DSCAML1: variants seen among roughly 807,000 people sequenced by gnomAD.
The protein encoded by DSCAML1 is DS cell adhesion molecule like 1, also known as cell adhesion molecule DSCAML1.
DSCAML1 carries 38 observed loss-of-function variants against 200.5 expected under a neutral mutation model. The ratio of observed to expected loss-of-function variants is 0.19; its 90% confidence interval spans 0.15 to 0.25. DSCAML1 has a LOEUF of 0.25. Among genes scored for constraint, DSCAML1 ranks in the 10% least tolerant of loss-of-function variants. DSCAML1 has a pLI of 1.00. For missense variants in DSCAML1, 2,223 were observed against 2,858.8 expected, an observed-to-expected ratio of 0.78 and a Z score of 5.07; for synonymous variants, 1,215 against 1,165.0, an observed-to-expected ratio of 1.04 and a Z score of -0.87.
intron 3 of DSCAML1, among the ~76,000 whole-genome samples, chr11:117,751,956 A>T (rs560280105): frequency 2.0e-5 from 3 of 152,164 alleles, no homozygotes; most frequent in Non-Finnish European, 4.4e-5. Context: ...TTACCAATGG[A>T]TGTAATTTGT....
At chr11:117,730,741 A>C (rs746904767) in intron 3 of DSCAML1, among the ~76,000 whole-genome samples, 1 of 152,204 alleles carries the variant, frequency 6.6e-6, no homozygotes, top group Non-Finnish European at 1.5e-5. Flanking sequence ...ACCCGCACCA[A>C]CATTTGTAAA....
At chr11:117,443,328 C>T (rs7927742) in intron 21 of DSCAML1, among the ~76,000 whole-genome samples, 135,394 of 152,272 alleles carry the variant, frequency 0.89, 60,482 homozygotes, top group African/African-American at 0.96. Context: ...CATGGCACAC[C>T]CATGTCCCGG....
At position 117,562,012 on chromosome 11, in the gene DSCAML1, T is replaced by A. The variant is rs180782095; in HGVS notation, c.512-29490A>T. Among the ~76,000 whole-genome samples the A allele has an allele frequency of 5.9e-5, 9 of 152,160 alleles. No individual in the cohort carries two copies. In the East Asian group the frequency reaches 1.4e-3, roughly 23 times the overall value. On this transcript the variant is annotated intron_variant, in intron 3 of 32. Coordinates refer to ENST00000651296, the MANE Select transcript of DSCAML1 (RefSeq NM_020693.4). ...GAACATGTTGGAGGAGTGGGGACAG[T>A]GGGAAGCAGGGGCAGGGAGGAGGCG...
intron 3 of DSCAML1, among the ~76,000 whole-genome samples, chr11:117,619,150 G>A (rs1179358655): frequency 6.6e-6 from 1 of 152,182 alleles, no homozygotes; most frequent in Admixed American, 6.5e-5. Flanking sequence ...TATGCTTCCC[G>A]TAAGGGCTGC....
At chr11:117,565,751 T>C (rs1203649569) in intron 3 of DSCAML1, among the ~76,000 whole-genome samples, 3 of 152,220 alleles carry the variant, frequency 2.0e-5, no homozygotes, top group Non-Finnish European at 4.4e-5. Context: ...ACAGGCTGTT[T>C]GTGTCTCTGG....
chr11:117,716,734 G>A (rs2053958177), intron 3 of DSCAML1, among the ~76,000 whole-genome samples: 1 of 152,160 alleles, frequency 6.6e-6, no homozygotes, highest in African/African-American at 2.4e-5. Flanking sequence ...AACACCAAAA[G>A]GAGATTATTT....
intron 3 of DSCAML1, among the ~76,000 whole-genome samples, chr11:117,708,186 G>A (rs961260655): frequency 1.3e-5 from 2 of 152,056 alleles, no homozygotes; most frequent in Non-Finnish European, 2.9e-5. Context: ...AAGGAGACTC[G>A]GGCTGAAGGG....
intron 3 of DSCAML1, among the ~76,000 whole-genome samples, chr11:117,767,572 C>T (rs1280859454): frequency 2.0e-5 from 3 of 152,144 alleles, no homozygotes; most frequent in South Asian, 2.1e-4. Flanking sequence ...TGTCTGAGTC[C>T]GAGGCTTCCT....
At chr11:117,549,048 CCT>C (rs2050427239) in intron 3 of DSCAML1, among the ~76,000 whole-genome samples, 1 of 152,158 alleles carries the variant, frequency 6.6e-6, no homozygotes, top group Non-Finnish European at 1.5e-5. Flanking sequence ...GGTGTCTGCC[CCT>C]GTGTCCCTGT....
rs1367939991 is a variant in DSCAML1, at chr11:117,740,336, G to C, written c.511+36455C>G. Among the ~76,000 whole-genome samples, 6 of 152,122 alleles carry C rather than the reference G, an allele frequency of 3.9e-5. No individual in the cohort carries two copies. The East Asian group carries it at 1.2e-3, about 29-fold the overall frequency. ...ACCTTGGTCTGACTCTGACTTCAAA[G>C]TTCATACTCTTTCCCCATTAGTGTT... On this transcript the variant is annotated intron_variant, in intron 3 of 32. Transcript: ENST00000651296.
rs2055245811 is a variant in DSCAML1, at chr11:117,780,908, A to C, written c.47-98T>G. 2.1e-6 allele frequency: 2 copies of C among 955,122 alleles called. No homozygotes were observed. Among genetic ancestry groups the C allele is most frequent in the African/African-American group, 1.7e-5 (1 of 58,886 alleles). 59.2% of individuals were successfully genotyped at this position (955,122 alleles called of 1,614,324 possible). A position where few individuals can be genotyped will look rare whatever the true frequency, so the allele number is the denominator to read the frequency against. ...GCGACAGGCTGCACTCATTCACCTG[A>C]CCTTCAAGCATCAGTCATTCAGTAT... On this transcript the variant is annotated intron_variant, in intron 1 of 32. Transcript: ENST00000651296. This position sits in a 1 kb window ranked among gnomAD's most constrained non-coding sequence, Gnocchi z 4.8.
chr11:117,600,726 C>G (rs1452435910), intron 3 of DSCAML1, among the ~76,000 whole-genome samples: 1 of 152,212 alleles, frequency 6.6e-6, no homozygotes, highest in East Asian at 1.9e-4. Context: ...CTTGGCATTG[C>G]TGGTAGCCGT....
chr11:117,775,151 G>A (rs529570166), intron 3 of DSCAML1, among the ~76,000 whole-genome samples: 1 of 152,290 alleles, frequency 6.6e-6, no homozygotes, highest in South Asian at 2.1e-4. Flanking sequence ...CAAGGTCCGA[G>A]GTACCTCTGC....
At chr11:117,522,741 G>A (rs766771008) in intron 5 of DSCAML1, among the ~76,000 whole-genome samples, 1 of 152,218 alleles carries the variant, frequency 6.6e-6, no homozygotes, top group African/African-American at 2.4e-5. Context: ...GCTAGCCACC[G>A]TCTCCTCACT....
chr11:117,723,736 A>T (rs1384140564), intron 3 of DSCAML1, among the ~76,000 whole-genome samples: 2 of 152,098 alleles, frequency 1.3e-5, no homozygotes, highest in Non-Finnish European at 2.9e-5. Flanking sequence ...CCCCACTTAG[A>T]GCCCTCTCTC....
chr11:117,731,741 G>C (rs1369448916), intron 3 of DSCAML1, among the ~76,000 whole-genome samples: 3 of 152,158 alleles, frequency 2.0e-5, no homozygotes, highest in Non-Finnish European at 4.4e-5. Flanking sequence ...AGTTCCTTTA[G>C]AGCAGAAAAC....
At chr11:117,719,032 T>C (rs530924905) in intron 3 of DSCAML1, among the ~76,000 whole-genome samples, 1 of 152,312 alleles carries the variant, frequency 6.6e-6, no homozygotes, top group South Asian at 2.1e-4. Context: ...CCATGGGCTA[T>C]AGTTTGTCAG....
At chr11:117,558,981 C>T (rs569089734) in intron 3 of DSCAML1, among the ~76,000 whole-genome samples, 2 of 152,160 alleles carry the variant, frequency 1.3e-5, no homozygotes, top group Non-Finnish European at 2.9e-5. Flanking sequence ...ATTTATCTTA[C>T]TTCTGTCTCT....
intron 20 of DSCAML1, among the ~76,000 whole-genome samples, chr11:117,446,485 T>C (rs115622095): frequency 0.012 from 1,778 of 152,268 alleles, 27 homozygotes; most frequent in African/African-American, 0.041. Context: ...AGAACACTTA[T>C]AAATCAATAA....
Sources: allele counts gnomAD v4.1 joint callset (sites outside exome capture counted in the v4.1 genomes callset), GRCh38; gene constraint gnomAD v4.1.1; non-coding constraint Gnocchi (gnomAD v3.1); transcripts MANE v1.5; gene names NCBI Gene and HGNC (gene_info 2026-07-23, HGNC 2026-07-21).